Variants in FAM227B observed in about 807,000 individuals in gnomAD.
FAM227B encodes protein FAM227B.
In FAM227B, 88 loss-of-function variants were observed where a neutral mutation model predicts 73.8. The ratio of observed to expected loss-of-function variants is 1.19; its 90% CI spans 1.00 to 1.42. The LOEUF (loss-of-function observed/expected upper bound fraction) is 1.42. Among genes scored for constraint, FAM227B ranks in the 40% most tolerant of loss-of-function variants. The pLI, the probability that FAM227B is intolerant of heterozygous loss-of-function variation, is 0.00. For missense variants in FAM227B, 632 were observed against 590.9 expected (o/e 1.07, Z -0.72); for synonymous variants, 210 against 190.5 (o/e 1.10, Z -0.84).
intron 10 of FAM227B, among the ~76,000 whole-genome samples, chr15:49,508,773 A>G (rs1425475612): frequency 6.6e-6 from 1 of 152,216 alleles, no homozygotes; most frequent in African/African-American, 2.4e-5. Context: ...AGATACAGTT[A>G]TCACTTATTT....
chr15:49,373,682 T>A (rs553637931), intron 11 of FAM227B, among the ~76,000 whole-genome samples: 1 of 152,244 alleles, frequency 6.6e-6, no homozygotes, highest in South Asian at 2.1e-4. Flanking sequence ...AGAGATGTTA[T>A]CCCCTCTAAA....
chr15:49,585,648 C>T (rs1478106330), intron 5 of FAM227B, among the ~76,000 whole-genome samples: 1 of 151,560 alleles, frequency 6.6e-6, no homozygotes, highest in Non-Finnish European at 1.5e-5. Flanking sequence ...ACAATGAGAA[C>T]ACATGGACAC....
At chr15:49,577,884 A>C (rs2075562475) in intron 5 of FAM227B, among the ~76,000 whole-genome samples, 1 of 152,220 alleles carries the variant, frequency 6.6e-6, no homozygotes, top group African/African-American at 2.4e-5. Context: ...AGATACATAT[A>C]CAAACAAAAC....
At chr15:49,491,524 T>C (rs1310498992) in intron 11 of FAM227B, among the ~76,000 whole-genome samples, 1 of 151,908 alleles carries the variant, frequency 6.6e-6, no homozygotes, top group Non-Finnish European at 1.5e-5. Flanking sequence ...CTGAGTTTTG[T>C]CTATACTGTC....
At chr15:49,410,421 C>T (rs1229541250) in intron 11 of FAM227B, among the ~76,000 whole-genome samples, 2 of 152,096 alleles carry the variant, frequency 1.3e-5, no homozygotes, top group African/African-American at 4.8e-5. Context: ...TCTCACTTAA[C>T]ATCTATTTGC....
chr15:49,531,887 T>C (rs1008825738), intron 10 of FAM227B, among the ~76,000 whole-genome samples: 1 of 151,908 alleles, frequency 6.6e-6, no homozygotes, highest in Non-Finnish European at 1.5e-5. Flanking sequence ...TGTTGTTGAA[T>C]ACTGCCAAAA....
intron 11 of FAM227B, among the ~76,000 whole-genome samples, chr15:49,443,665 C>T (rs2151849090): frequency 6.6e-6 from 1 of 151,768 alleles, no homozygotes; most frequent in Admixed American, 6.6e-5. Flanking sequence ...GAGTGAAGTT[C>T]CAATATACAT....
intron 11 of FAM227B, chr15:49,484,849 A>G (rs2056274610): frequency 6.0e-6 from 1 of 167,808 alleles, no homozygotes; most frequent in African/African-American, 2.4e-5. Context: ...ATGATTATTT[A>G]AATATTCCTA....
At chr15:49,471,736 T>A (rs999991672) in intron 11 of FAM227B, among the ~76,000 whole-genome samples, 1 of 152,126 alleles carries the variant, frequency 6.6e-6, no homozygotes, top group Non-Finnish European at 1.5e-5. Context: ...AAAAGCTAGC[T>A]GACATTAGGT....
At chr15:49,570,874 T>G (rs960079682) in intron 8 of FAM227B, among the ~76,000 whole-genome samples, 3 of 147,572 alleles carry the variant, frequency 2.0e-5, no homozygotes, top group Non-Finnish European at 4.5e-5. Context: ...ATATTACATA[T>G]GCATTTATAT....
At position 49,410,658 on chromosome 15, in the gene FAM227B, C is replaced by T. The variant is rs114964309; in HGVS notation, c.1013-39259G>A. Reference sequence around the variant, plus strand: ...TAAATGATTACCCACACAAACCCCACCTCCATAAACTTTTATCTTAAAAAA... The same window carrying T: ...TAAATGATTACCCACACAAACCCCATCTCCATAAACTTTTATCTTAAAAAA... On this transcript the variant is annotated intron_variant, in intron 11 of 15. Transcript: ENST00000299338. 6.7e-3 allele frequency among the ~76,000 whole-genome samples: 1,017 copies of T among 152,066 alleles called. 15 individuals are homozygous for T. Among genetic ancestry groups the T allele is most frequent in the African/African-American group, 0.023 (968 of 41,512 alleles).
In FAM227B at chr15:49,384,632, T is replaced by A. The variant is rs568779067; in HGVS notation, c.1013-13233A>T. 5.3e-5 allele frequency among the ~76,000 whole-genome samples: 8 copies of A among 152,168 alleles called. No homozygotes were observed. In the South Asian group the frequency reaches 1.7e-3, roughly 32 times the overall value. On this transcript the variant is annotated intron_variant, in intron 11 of 15. Coordinates refer to ENST00000299338, the MANE Select transcript of FAM227B (RefSeq NM_152647.3). Reference sequence around the variant, plus strand: ...CTACCAACAGAATTAAACAGTCATATTATACCAGATTGGCATTGTTTTCAT... The same window carrying A: ...CTACCAACAGAATTAAACAGTCATAATATACCAGATTGGCATTGTTTTCAT...
intron 3 of FAM227B, among the ~76,000 whole-genome samples, chr15:49,603,812 T>C (rs772900963): frequency 2.0e-5 from 3 of 152,346 alleles, no homozygotes; most frequent in East Asian, 1.9e-4. Context: ...GCTTTTATTA[T>C]GTTAAAGTAT....
chr15:49,570,710 C>T, intron 8 of FAM227B, among the ~76,000 whole-genome samples: 1 of 151,160 alleles, frequency 6.6e-6, no homozygotes, highest in Non-Finnish European at 1.5e-5. Context: ...TAAGTGAGAT[C>T]ATACAGTATT....
At chr15:49,371,785 A>C (rs185144227) in intron 11 of FAM227B, among the ~76,000 whole-genome samples, 31,260 of 135,904 alleles carry the variant, frequency 0.23, 2,751 homozygotes, top group East Asian at 0.35. Flanking sequence ...ACTTATAAAT[A>C]AATGAAATAA....
chr15:49,339,455 T>C (rs973489268), intron 13 of FAM227B, among the ~76,000 whole-genome samples: 2 of 152,312 alleles, frequency 1.3e-5, no homozygotes, highest in Middle Eastern at 3.4e-3. Flanking sequence ...TGGCAGAGGC[T>C]GCACAACAGT....
At chr15:49,536,913 C>CA (rs979381657) in intron 10 of FAM227B, among the ~76,000 whole-genome samples, 9 of 151,402 alleles carry the variant, frequency 5.9e-5, no homozygotes, top group African/African-American at 1.9e-4. Context: ...AGAAACTCCA[C>CA]AAAAAAAATG....
chr15:49,411,215 T>C (rs1235890395), intron 11 of FAM227B, among the ~76,000 whole-genome samples: 1 of 151,946 alleles, frequency 6.6e-6, no homozygotes, highest in East Asian at 1.9e-4. Context: ...TAGCATAATA[T>C]AATTTTATCT....
chr15:49,407,161 C>G (rs1203569281), intron 11 of FAM227B, among the ~76,000 whole-genome samples: 1 of 152,172 alleles, frequency 6.6e-6, no homozygotes, highest in African/African-American at 2.4e-5. Flanking sequence ...CATGCCAAAC[C>G]CTCTGGGCTC....
Sources: allele counts gnomAD v4.1 joint callset (sites outside exome capture counted in the v4.1 genomes callset), GRCh38; gene constraint gnomAD v4.1.1; transcripts MANE v1.5; gene names NCBI Gene and HGNC (gene_info 2026-07-23, HGNC 2026-07-21).